DYSF: variants seen among roughly 807,000 people sequenced by gnomAD.
DYSF encodes the protein dysferlin, also known as dystrophy-associated fer-1-like 1.
A neutral mutation model predicts 274.9 loss-of-function variants in DYSF; 212 were observed. The observed-to-expected ratio is 0.77, with a 90% confidence interval of 0.69 to 0.86. DYSF has a LOEUF of 0.86. Ranked by LOEUF, DYSF falls within the 40% of genes least tolerant of loss-of-function variation. DYSF has a pLI of 0.00. For missense variants in DYSF, 2,666 were observed against 2,783.2 expected, an observed-to-expected ratio of 0.96 and a Z score of 0.95; for synonymous variants, 1,091 against 1,078.7, an observed-to-expected ratio of 1.01 and a Z score of -0.22.
intron 45 of DYSF, among the ~76,000 whole-genome samples, chr2:71,662,729 G>A (rs1373695091): frequency 1.3e-5 from 2 of 151,008 alleles, no homozygotes; most frequent in African/African-American, 4.9e-5. Context: ...GTGTGTATGT[G>A]TATTTGTATA....
At chr2:71,486,379 T>C (rs1344300661) in intron 3 of DYSF, among the ~76,000 whole-genome samples, 2 of 152,060 alleles carry the variant, frequency 1.3e-5, no homozygotes, top group African/African-American at 2.4e-5. Context: ...TGTCTCTGTG[T>C]CTCCTGCTTT....
intron 47 of DYSF, 140 bp from the exon 48 acceptor site, chr2:71,667,236 C>T: frequency 8.6e-7 from 1 of 1,169,434 alleles, no homozygotes; most frequent in Non-Finnish European, 1.3e-6. Flanking sequence ...AGAAAAAGTG[C>T]ATCTGTGCTG....
chr2:71,609,878 G>T (rs1315703019), intron 36 of DYSF, among the ~76,000 whole-genome samples: 1 of 152,190 alleles, frequency 6.6e-6, no homozygotes, highest in South Asian at 2.1e-4. Flanking sequence ...TACCATCCTC[G>T]CAGAAGGAAC....
intron 1 of DYSF, among the ~76,000 whole-genome samples, chr2:71,476,498 A>G (rs187842465): frequency 3.3e-5 from 5 of 151,364 alleles, no homozygotes; most frequent in African/African-American, 1.2e-4. Flanking sequence ...CCGAGATCAC[A>G]CCATCACACT....
chr2:71,472,462 A>G, intron 1 of DYSF, among the ~76,000 whole-genome samples: 1 of 152,014 alleles, frequency 6.6e-6, no homozygotes, highest in Non-Finnish European at 1.5e-5. Flanking sequence ...GCTGGAGTGG[A>G]GTGGCGCGAT....
At chr2:71,552,159 A>T (rs1375020452) in intron 19 of DYSF, among the ~76,000 whole-genome samples, 1 of 152,110 alleles carries the variant, frequency 6.6e-6, no homozygotes, top group African/African-American at 2.4e-5. Context: ...AGGCTCAGAT[A>T]TATCAGAGGA....
rs2095083724 is a variant in DYSF, at chr2:71,669,641, A to G, written c.5679A>G (p.Thr1893=). The change falls in exon 51 of 56, where the codon ACA becomes ACG. Residue 1893 remains threonine (T), a synonymous_variant. Coordinates refer to ENST00000410020, the MANE Select transcript of DYSF (RefSeq NM_001130987.2). The part of the protein sequence containing the change: ...MIGFEEHKQK[T]DVHYRSLGGE... ...GCTTTGAAGAACACAAGCAAAAGAC[A>G]GACGTGCATTATCGTTCCCTGGGAG... is the stretch of plus-strand genomic sequence containing the variant. 6.2e-7 allele frequency: 1 copy of G among 1,614,248 alleles called. No homozygotes were observed. The highest frequency in any genetic ancestry group is 8.5e-7 in the Non-Finnish European group (1 of 1,180,044).
intron 44 of DYSF, among the ~76,000 whole-genome samples, chr2:71,659,902 G>A (rs1322847777): frequency 6.6e-6 from 1 of 152,248 alleles, no homozygotes; most frequent in African/African-American, 2.4e-5. Context: ...GCAGGTTTAG[G>A]CCCAGCATGT....
At chr2:71,605,447 T>A (rs564121967) in intron 36 of DYSF, among the ~76,000 whole-genome samples, 30 of 152,302 alleles carry the variant, frequency 2.0e-4, no homozygotes, top group African/African-American at 7.2e-4. Context: ...CGTGGGTCCC[T>A]GAATGCCCAG....
At chr2:71,677,539 T>C (rs963543356) in intron 52 of DYSF, among the ~76,000 whole-genome samples, 2 of 152,072 alleles carry the variant, frequency 1.3e-5, no homozygotes, top group Non-Finnish European at 2.9e-5. Context: ...TGGGAGATGA[T>C]AGATAAAAGG....
At chr2:71,595,196 A>G (rs1023369803) in intron 32 of DYSF, among the ~76,000 whole-genome samples, 5 of 152,194 alleles carry the variant, frequency 3.3e-5, no homozygotes, top group Admixed American at 2.6e-4. Context: ...GAGAGTACCT[A>G]TTTCATCAAC....
At chr2:71,683,731 A>C (rs139392635) in intron 55 of DYSF, among the ~76,000 whole-genome samples, 283 of 152,304 alleles carry the variant, frequency 1.9e-3, no homozygotes, top group African/African-American at 6.4e-3. Flanking sequence ...GCACCAGGCC[A>C]CTGGCCCAGA....
rs372381915 is a variant in DYSF, at chr2:71,621,458, GT to G, written c.4527+852del. Among the ~76,000 whole-genome samples, 202 of 152,128 alleles carry G rather than the reference GT, an allele frequency of 1.3e-3. 1 individual carries two copies. Among genetic ancestry groups the G allele is most frequent in the African/African-American group, 4.8e-3 (198 of 41,506 alleles). ...GTTAAAACCACTTTTATTCCTACCAGTTTATGATAGGCACTGTTAGGGTTTT... is the reference window on the plus strand; with the variant it reads ...GTTAAAACCACTTTTATTCCTACCAGTTATGATAGGCACTGTTAGGGTTTT... On this transcript the variant is annotated intron_variant, in intron 41 of 55. Coordinates refer to ENST00000410020, the MANE Select transcript of DYSF (RefSeq NM_001130987.2).
At chr2:71,515,262 A>G (rs367832026) in intron 7 of DYSF, among the ~76,000 whole-genome samples, 1 of 152,194 alleles carries the variant, frequency 6.6e-6, no homozygotes, top group Non-Finnish European at 1.5e-5. Flanking sequence ...GGGAATTGTC[A>G]ATAAAGAATA....
At chr2:71,486,142 C>A (rs1253177404) in intron 3 of DYSF, among the ~76,000 whole-genome samples, 1 of 152,088 alleles carries the variant, frequency 6.6e-6, no homozygotes, top group Non-Finnish European at 1.5e-5. Context: ...AGTCATCATG[C>A]AGCCACCCGT....
intron 3 of DYSF, among the ~76,000 whole-genome samples, chr2:71,485,827 T>C (rs1209368243): frequency 1.3e-5 from 2 of 152,226 alleles, no homozygotes; most frequent in Non-Finnish European, 2.9e-5. Context: ...TATGTATTTA[T>C]TTTTGAGATG....
chr2:71,606,882 A>T (rs942848193), intron 36 of DYSF, among the ~76,000 whole-genome samples: 2 of 152,178 alleles, frequency 1.3e-5, no homozygotes, highest in Non-Finnish European at 2.9e-5. Flanking sequence ...CACGGGTGCT[A>T]GGAAGGAGGA....
intron 24 of DYSF, among the ~76,000 whole-genome samples, chr2:71,565,246 C>CTTTTTTTTTTTTTTTTTT (rs796705736): frequency 1.5e-5 from 2 of 131,334 alleles, no homozygotes; most frequent in Non-Finnish European, 3.2e-5. Context: ...CCACCCAGCT[C>CTTTTTTTTTTTTTTTTTT]TTTTTTTTTT....
intron 32 of DYSF, among the ~76,000 whole-genome samples, chr2:71,595,455 C>G (rs1462509923): frequency 5.3e-5 from 8 of 152,144 alleles, no homozygotes; most frequent in Admixed American, 5.2e-4. Flanking sequence ...TTTAGGAAAA[C>G]TGGGGTGATA....
Sources: allele counts gnomAD v4.1 joint callset (sites outside exome capture counted in the v4.1 genomes callset), GRCh38; gene constraint gnomAD v4.1.1; transcripts MANE v1.5; gene names NCBI Gene and HGNC (gene_info 2026-07-23, HGNC 2026-07-21).